The following SVIL variants were observed in gnomAD, a reference collection of about 807,000 sequenced individuals.
SVIL encodes the protein supervillin, also known as archvillin.
Under a neutral mutation model 240.4 loss-of-function variants are expected in SVIL, and 101 were observed. The observed-to-expected ratio is 0.42, with a 90% CI of 0.36 to 0.50. SVIL has a LOEUF of 0.50. Among genes scored for constraint, SVIL ranks in the 20% least tolerant of loss-of-function variants. The pLI, the probability that SVIL is intolerant of heterozygous loss-of-function variation, is 0.01. For synonymous variants in SVIL, 999 were observed against 1,100.0 expected (o/e 0.91, Z 1.82); for missense variants, 2,512 against 2,818.7 (o/e 0.89, Z 2.46).
intron 33 of SVIL, among the ~76,000 whole-genome samples, chr10:29,466,999 T>C (rs1945006728): frequency 6.6e-6 from 1 of 152,204 alleles, no homozygotes; most frequent in South Asian, 2.1e-4. Flanking sequence ...AACTTCTGTA[T>C]GCCTCAGTTT....
rs1335619535 is a variant in SVIL at position 29,523,536 on chromosome 10, T to C, written c.3078A>G (p.Gln1026=). 6 of 1,614,230 alleles carry C rather than the reference T, an allele frequency of 3.7e-6. No homozygotes were observed. The highest frequency in any genetic ancestry group is 1.7e-5 in the Admixed American group (1 of 60,030). The change falls in exon 15 of 38, where the codon CAA becomes CAG. Residue 1026 remains glutamine (Q), a synonymous_variant. Coordinates refer to ENST00000355867, the MANE Select transcript of SVIL (RefSeq NM_021738.3). ...KEFSMAKMNA[Q]GNLDLRDRLP... is the part of the protein sequence containing the mutation. Reference sequence around the variant, plus strand: ...GCCTGTCCCTCAAGTCCAAGTTTCCTTGTGCATTCATTTTAGCCATGGAAA... The same window carrying C: ...GCCTGTCCCTCAAGTCCAAGTTTCCCTGTGCATTCATTTTAGCCATGGAAA...
At chr10:29,474,075 G>T (rs1390140986) in intron 29 of SVIL, 86 bp from the exon 30 acceptor site, 61 of 1,522,598 alleles carry the variant, frequency 4.0e-5, no homozygotes, top group Non-Finnish European at 5.0e-5. Flanking sequence ...CCCCGGGCCT[G>T]CAAGGACCAG....
At chr10:29,552,124 CAAAACA>C (rs138390790) in intron 5 of SVIL, among the ~76,000 whole-genome samples, 44,323 of 142,682 alleles carry the variant, frequency 0.31, 6,722 homozygotes, top group African/African-American at 0.38. Flanking sequence ...TCTCAAAAAA[CAAAACA>C]AAAAAAAAAA....
At chr10:29,616,167 A>T (rs577574096) in intron 1 of SVIL, among the ~76,000 whole-genome samples, 2 of 152,290 alleles carry the variant, frequency 1.3e-5, no homozygotes, top group African/African-American at 2.4e-5. Context: ...CATCCCAAGT[A>T]GCTGGGACTA....
Position 29,480,752 on chromosome 10 carries a change from G to C in SVIL, c.5162C>G (p.Thr1721Arg), listed in dbSNP as rs372985459. 6.2e-7 allele frequency: 1 copy of C among 1,614,034 alleles called. No individual in the cohort carries two copies. The highest frequency in any genetic ancestry group is 1.7e-5 in the Admixed American group (1 of 60,024). Residue 1721 changes from threonine (T) to arginine (R), a missense_variant, in exon 29 of 38, where the codon ACG becomes AGG. Coordinates refer to ENST00000355867, the MANE Select transcript of SVIL (RefSeq NM_021738.3). ...TCCGTCCAGGATGGTGCCTGCTGTC[G>C]TCTGGGGCATGGACACCATCCGTGT... ...DVTRMVSMPQ[T>R]TAGTILDGVN...
At chr10:29,603,116 G>C (rs61218597) in intron 1 of SVIL, among the ~76,000 whole-genome samples, 3,928 of 152,164 alleles carry the variant, frequency 0.026, 164 homozygotes, top group African/African-American at 0.091. Context: ...GATGTGTTTT[G>C]CTTTGGAGGT....
intron 36 of SVIL, among the ~76,000 whole-genome samples, chr10:29,460,913 AAAAC>A (rs2077235243): frequency 6.6e-6 from 1 of 152,070 alleles, no homozygotes. Context: ...TCAAAAAACA[AAAAC>A]AAAACCTGAA....
chr10:29,649,600 TTC>T (rs1958775668), intron 3 of SVIL, among the ~76,000 whole-genome samples: 14 of 152,232 alleles, frequency 9.2e-5, no homozygotes, highest in African/African-American at 2.9e-4. Flanking sequence ...AAATTTTAGC[TTC>T]AAAAAAATTG....
At chr10:29,621,356 C>T (rs1166943824) in intron 1 of SVIL, among the ~76,000 whole-genome samples, 1 of 152,184 alleles carries the variant, frequency 6.6e-6, no homozygotes, top group Non-Finnish European at 1.5e-5. Context: ...AGCAAGTTCC[C>T]CGAGGCTGGA....
chr10:29,596,628 G>A (rs1589351139), intron 1 of SVIL, among the ~76,000 whole-genome samples: 1 of 152,178 alleles, frequency 6.6e-6, no homozygotes. Flanking sequence ...TGGGCATTGG[G>A]CTAGAGGGAG....
chr10:29,576,229 C>T, intron 1 of SVIL: 1 of 498,276 alleles, frequency 2.0e-6, no homozygotes, highest in Non-Finnish European at 2.6e-6. Flanking sequence ...CTTCAGGCAA[C>T]ATGATTACCC....
intron 12 of SVIL, among the ~76,000 whole-genome samples, chr10:29,528,748 C>T (rs953904840): frequency 2.6e-5 from 4 of 151,632 alleles, no homozygotes; most frequent in Admixed American, 2.0e-4. Flanking sequence ...AAAAAACAAA[C>T]AATGCCCCCC....
chr10:29,596,125 G>A (rs1416819610), intron 1 of SVIL, among the ~76,000 whole-genome samples: 2 of 152,332 alleles, frequency 1.3e-5, no homozygotes, highest in East Asian at 1.9e-4. Flanking sequence ...TTCAGGGAGA[G>A]CTGTGTCTAG....
In SVIL at chr10:29,721,259, A is replaced by AAC. The variant is rs147715554; in HGVS notation, c.-400+14491_-400+14492insGT. Among the ~76,000 whole-genome samples the AAC allele has an allele frequency of 2.9e-3, 436 of 151,784 alleles. 3 individuals are homozygous for AAC. The Middle Eastern group carries it at 0.058, about 20-fold the overall frequency. On this transcript the variant is annotated intron_variant, in intron 1 of 35. Coordinates refer to the SVIL transcript ENST00000375400. The stretch of plus-strand genomic sequence containing the variant: ...ACAAAAACAAACAAACAAACAAACA[A>AAC]AAAAACACCTCAATCCAAAAGAAGG...
At position 29,706,477 on chromosome 10, in the gene SVIL, C is replaced by G. The variant is rs535910687; in HGVS notation, c.-399-19826G>C. 3.3e-5 allele frequency among the ~76,000 whole-genome samples: 5 copies of G among 152,146 alleles called. 1 individual carries two copies. In the South Asian group the frequency reaches 1.0e-3, roughly 32 times the overall value. On this transcript the variant is annotated intron_variant, in intron 1 of 35. Transcript: ENST00000375400. The stretch of plus-strand genomic sequence containing the variant: ...TCTTTTGAGAAGTGTCTGTTCATAT[C>G]CTTTGCCCACATTTTGATGGGTATT...
rs190257887 is a variant in SVIL, at chr10:29,717,995, G to A, written c.-400+17756C>T. On this transcript the variant is annotated intron_variant, in intron 1 of 35. Coordinates refer to the SVIL transcript ENST00000375400. Reference sequence around the variant, plus strand: ...ATTACATGTTGAAATAACATTTTGGGTAGACTGAGTTAAAGAAAATATATA... The same window carrying A: ...ATTACATGTTGAAATAACATTTTGGATAGACTGAGTTAAAGAAAATATATA... Among the ~76,000 whole-genome samples, 73 of 152,116 alleles carry A rather than the reference G, an allele frequency of 4.8e-4. 1 individual carries two copies. The highest frequency in any genetic ancestry group is 1.4e-3 in the African/African-American group (58 of 41,506).
intron 33 of SVIL, 141 bp downstream of exon 33, chr10:29,467,601 G>T: frequency 9.3e-7 from 1 of 1,073,690 alleles, no homozygotes; most frequent in Non-Finnish European, 1.3e-6. Flanking sequence ...GCTGAGGCAG[G>T]CTGATCACTT....
At chr10:29,495,421 T>TG (rs1334007919) in intron 18 of SVIL, among the ~76,000 whole-genome samples, 2 of 152,142 alleles carry the variant, frequency 1.3e-5, no homozygotes, top group Admixed American at 1.3e-4. Context: ...TATTCCAAAA[T>TG]GAACGGTGGA....
intron 1 of SVIL, among the ~76,000 whole-genome samples, chr10:29,608,901 C>T (rs554237770): frequency 2.6e-5 from 4 of 152,310 alleles, no homozygotes; most frequent in East Asian, 1.9e-4. Flanking sequence ...AGGTGGAGTC[C>T]GCAACCTGGA....
Sources: allele counts gnomAD v4.1 joint callset (sites outside exome capture counted in the v4.1 genomes callset), GRCh38; gene constraint gnomAD v4.1.1; transcripts MANE v1.5; gene names NCBI Gene and HGNC (gene_info 2026-07-23, HGNC 2026-07-21).